Variants in CDH6 observed in about 807,000 individuals in gnomAD.
CDH6 encodes cadherin 6, also known as cadherin-6.
Under a neutral mutation model 78.0 loss-of-function variants are expected in CDH6, and 31 were observed. The ratio of observed to expected loss-of-function variants is 0.40; its 90% CI spans 0.30 to 0.54. The LOEUF (loss-of-function observed/expected upper bound fraction) is 0.54, where lower values mean the gene tolerates loss of function less well. Ranked by LOEUF, CDH6 falls within the 20% of genes least tolerant of loss-of-function variation. CDH6 has a pLI of 0.56. For missense variants in CDH6, 724 were observed against 975.9 expected, an observed-to-expected ratio of 0.74 and a Z score of 3.44; for synonymous variants, 376 against 368.8, an observed-to-expected ratio of 1.02 and a Z score of -0.23.
chr5:31,203,336 C>G (rs1269071692), intron 1 of CDH6, among the ~76,000 whole-genome samples: 4 of 139,358 alleles, frequency 2.9e-5, no homozygotes, highest in African/African-American at 1.1e-4. Flanking sequence ...CATGCTGGTG[C>G]GCTGCACCCA....
chr5:31,300,873 A>G (rs555370838), intron 5 of CDH6, among the ~76,000 whole-genome samples: 2 of 152,302 alleles, frequency 1.3e-5, no homozygotes, highest in Non-Finnish European at 2.9e-5. Context: ...GTAATCCCAG[A>G]GCTTTGGGAG....
chr5:31,297,183 C>T, intron 3 of CDH6, 106 bp from the exon 4 acceptor site: 2 of 970,624 alleles, frequency 2.1e-6, no homozygotes, highest in Admixed American at 2.0e-5. Context: ...TCGACTTCCT[C>T]AGCATGATAT....
At chr5:31,226,172 CGTAT>C (rs1369880253) in intron 1 of CDH6, among the ~76,000 whole-genome samples, 1 of 151,946 alleles carries the variant, frequency 6.6e-6, no homozygotes, top group African/African-American at 2.4e-5. Flanking sequence ...ACACAGAGTA[CGTAT>C]GTATGTATGT....
At chr5:31,231,578 ACT>A (rs1741311369) in intron 1 of CDH6, among the ~76,000 whole-genome samples, 1 of 152,036 alleles carries the variant, frequency 6.6e-6, no homozygotes, top group Non-Finnish European at 1.5e-5. Flanking sequence ...GCTGGTAGAG[ACT>A]CTATGCAGAG....
intron 1 of CDH6, among the ~76,000 whole-genome samples, chr5:31,216,421 G>T (rs1740864919): frequency 6.6e-6 from 1 of 151,816 alleles, no homozygotes; most frequent in South Asian, 2.1e-4. Context: ...AGTATTTTAT[G>T]ATATATACTG....
rs1313763486 is a variant in CDH6, at chr5:31,254,480, A to AT, written c.-128-12865dup. Among the ~76,000 whole-genome samples, 4 of 152,198 alleles carry AT rather than the reference A, an allele frequency of 2.6e-5. No individual in the cohort carries two copies. In the East Asian group the frequency reaches 7.7e-4, roughly 29 times the overall value. ...ATGTCAAACTGCAAAAGTTATGGCC[A>AT]TAGTACATGATAAGTGCTTAGTTAA... On this transcript the variant is annotated intron_variant, in intron 1 of 11. Transcript: ENST00000265071.
At chr5:31,284,104 C>T (rs983466200) in intron 2 of CDH6, among the ~76,000 whole-genome samples, 4 of 152,148 alleles carry the variant, frequency 2.6e-5, no homozygotes, top group Non-Finnish European at 5.9e-5. Context: ...AATGAGCCAC[C>T]GTGCCCAGCC....
chr5:31,327,535 A>T lies in CDH6; in HGVS notation c.*4227A>T, dbSNP rs572105995. 5.2e-6 allele frequency: 1 copy of T among 193,046 alleles called. No individual in the cohort carries two copies. Among genetic ancestry groups the T allele is most frequent in the Non-Finnish European group, 1.1e-5 (1 of 92,364 alleles). 12.0% of individuals were successfully genotyped at this position (193,046 alleles called of 1,614,324 possible). A position where few individuals can be genotyped will look rare whatever the true frequency, so the allele number is the denominator to read the frequency against. On this transcript the variant is annotated 3_prime_UTR_variant, in exon 12 of 12. Coordinates refer to ENST00000265071, the MANE Select transcript of CDH6 (RefSeq NM_004932.4). ...GGGGACTCAAAAATCCAAGCAGTCTACTGTGTTTAAATTAACACCACAACC... is the reference window on the plus strand; with the variant it reads ...GGGGACTCAAAAATCCAAGCAGTCTTCTGTGTTTAAATTAACACCACAACC...
At chr5:31,208,749 A>G (rs1048707832) in intron 1 of CDH6, among the ~76,000 whole-genome samples, 1 of 152,234 alleles carries the variant, frequency 6.6e-6, no homozygotes, top group Admixed American at 6.5e-5. Flanking sequence ...TATGTGTTTC[A>G]TGAGCAAAAT....
chr5:31,293,371 AT>A (rs1737469268), intron 2 of CDH6, among the ~76,000 whole-genome samples: 1 of 152,202 alleles, frequency 6.6e-6, no homozygotes, highest in South Asian at 2.1e-4. Flanking sequence ...AATTTCATAA[AT>A]AAATAAATAT....
chr5:31,297,876 T>A (rs953595098), intron 4 of CDH6, among the ~76,000 whole-genome samples: 3 of 152,144 alleles, frequency 2.0e-5, no homozygotes, highest in Admixed American at 2.0e-4. Context: ...ATCTGCCACA[T>A]TGCTGTCCCT....
intron 2 of CDH6, among the ~76,000 whole-genome samples, chr5:31,277,372 C>T (rs141715067): frequency 2.0e-5 from 3 of 152,068 alleles, no homozygotes; most frequent in African/African-American, 7.2e-5. Flanking sequence ...TTTAAGGCAC[C>T]CAACAATTTT....
chr5:31,216,897 G>A (rs1335039608), intron 1 of CDH6, among the ~76,000 whole-genome samples: 12 of 152,092 alleles, frequency 7.9e-5, no homozygotes, highest in Non-Finnish European at 4.4e-5. Context: ...CTGTTAAGTT[G>A]CATAAGAGAT....
chr5:31,311,026 T>C (rs1738136195), intron 7 of CDH6, among the ~76,000 whole-genome samples: 1 of 152,264 alleles, frequency 6.6e-6, no homozygotes, highest in Non-Finnish European at 1.5e-5. Flanking sequence ...GGGAAATTTC[T>C]GCAGCAGGCT....
chr5:31,302,458 C>T, intron 6 of CDH6, 160 bp downstream of exon 6: 1 of 558,440 alleles, frequency 1.8e-6, no homozygotes, highest in South Asian at 3.5e-5. Context: ...CATGGTGGCT[C>T]CCGCCTGTAA....
chr5:31,295,344 C>T (rs184744893), intron 3 of CDH6, among the ~76,000 whole-genome samples: 11 of 152,196 alleles, frequency 7.2e-5, no homozygotes, highest in Admixed American at 2.6e-4. Flanking sequence ...TTCTCCTCTA[C>T]GTGGTAAAAG....
At chr5:31,318,051 A>G (rs1303306122) in intron 11 of CDH6, 127 bp downstream of exon 11, 13 of 1,128,408 alleles carry the variant, frequency 1.2e-5, no homozygotes, top group Non-Finnish European at 1.6e-5. Flanking sequence ...CGAGTTACAT[A>G]CTGAGAATCT....
intron 1 of CDH6, among the ~76,000 whole-genome samples, chr5:31,224,156 A>G (rs1326127313): frequency 1.3e-5 from 2 of 152,220 alleles, no homozygotes; most frequent in Non-Finnish European, 2.9e-5. Flanking sequence ...AAGCCTCACA[A>G]TCATGGCTGA....
At chr5:31,316,968 G>A (rs1435349820) in intron 9 of CDH6, among the ~76,000 whole-genome samples, 1 of 152,230 alleles carries the variant, frequency 6.6e-6, no homozygotes, top group Non-Finnish European at 1.5e-5. Context: ...ACTTTGTGAA[G>A]TTGCAATGTT....
Sources: allele counts gnomAD v4.1 joint callset (sites outside exome capture counted in the v4.1 genomes callset), GRCh38; gene constraint gnomAD v4.1.1; transcripts MANE v1.5; gene names NCBI Gene and HGNC (gene_info 2026-07-23, HGNC 2026-07-21).